CTNND2: variants seen among roughly 807,000 people sequenced by gnomAD.
CTNND2 encodes catenin delta 2.
CTNND2 carries 22 observed loss-of-function variants against 144.4 expected under a neutral mutation model. That is an observed-to-expected ratio of 0.15 (90% CI 0.11 to 0.22). The LOEUF is 0.22. Ranked by LOEUF, CTNND2 falls within the 10% of genes least tolerant of loss-of-function variation. CTNND2 has a pLI of 1.00. For missense variants in CTNND2, 1,353 were observed against 1,618.8 expected (o/e 0.84, Z 2.82); for synonymous variants, 751 against 695.6 (o/e 1.08, Z -1.25).
intron 18 of CTNND2, among the ~76,000 whole-genome samples, chr5:11,015,039 C>A (rs902003468): frequency 2.0e-5 from 3 of 152,188 alleles, no homozygotes; most frequent in African/African-American, 4.8e-5. Context: ...CCCCTAGTAC[C>A]TCCTTCCCAT....
intron 17 of CTNND2, 97 bp from the exon 18 acceptor site, chr5:11,018,155 A>G (rs1741827169): frequency 1.3e-6 from 1 of 790,822 alleles, no homozygotes; most frequent in Non-Finnish European, 2.2e-6. Context: ...CATTATTATT[A>G]TATCTATTAT....
At chr5:11,413,306 A>G (rs1761688438) in intron 3 of CTNND2, among the ~76,000 whole-genome samples, 2 of 152,224 alleles carry the variant, frequency 1.3e-5, no homozygotes, top group Non-Finnish European at 1.5e-5. Context: ...GATTTTAAAA[A>G]TTATAAAAAC....
intron 2 of CTNND2, among the ~76,000 whole-genome samples, chr5:11,647,052 T>A (rs1782393260): frequency 6.6e-6 from 1 of 152,214 alleles, no homozygotes. Context: ...AGTACATAAC[T>A]AGTAAAATTC....
intron 16 of CTNND2, among the ~76,000 whole-genome samples, chr5:11,029,032 T>C (rs1743170972): frequency 6.6e-6 from 1 of 152,246 alleles, no homozygotes; most frequent in Non-Finnish European, 1.5e-5. Flanking sequence ...CAAGACTGAA[T>C]AATATTCCAT....
intron 10 of CTNND2, among the ~76,000 whole-genome samples, chr5:11,212,448 C>T (rs749192411): frequency 7.9e-5 from 12 of 152,188 alleles, no homozygotes; most frequent in African/African-American, 2.9e-4. Context: ...AGTAGGTCCA[C>T]GCTTTTTAAA....
intron 12 of CTNND2, among the ~76,000 whole-genome samples, chr5:11,154,165 C>A (rs796250709): frequency 2.2e-4 from 34 of 152,322 alleles, no homozygotes; most frequent in African/African-American, 7.2e-4. Context: ...GGTGTCACAT[C>A]CCCTGCGTAA....
intron 10 of CTNND2, among the ~76,000 whole-genome samples, chr5:11,211,927 A>G (rs1738678482): frequency 6.6e-6 from 1 of 152,204 alleles, no homozygotes; most frequent in Non-Finnish European, 1.5e-5. Flanking sequence ...TTTTAATTTT[A>G]AATTAAAAAT....
intron 16 of CTNND2, among the ~76,000 whole-genome samples, chr5:11,040,674 CA>C (rs1561213087): frequency 6.6e-6 from 1 of 152,102 alleles, no homozygotes; most frequent in African/African-American, 2.4e-5. Flanking sequence ...AGTTAATTAA[CA>C]AGAGATTTGC....
chr5:11,888,100 T>G (rs756886618), intron 1 of CTNND2, among the ~76,000 whole-genome samples: 1 of 152,258 alleles, frequency 6.6e-6, no homozygotes, highest in Non-Finnish European at 1.5e-5. Context: ...TTCAATTTTA[T>G]AAATGAATGG....
chr5:11,705,922 T>C (rs13357360), intron 2 of CTNND2, among the ~76,000 whole-genome samples: 30,273 of 152,142 alleles, frequency 0.2, 8,095 homozygotes, highest in African/African-American at 0.61. Context: ...ATCTTGGGAA[T>C]AGACTCACTC....
At chr5:11,704,819 C>T (rs184011406) in intron 2 of CTNND2, among the ~76,000 whole-genome samples, 14 of 151,796 alleles carry the variant, frequency 9.2e-5, no homozygotes, top group Admixed American at 9.2e-4. Flanking sequence ...TTACTTGGCT[C>T]CCTTCCCTGA....
intron 16 of CTNND2, among the ~76,000 whole-genome samples, chr5:11,035,626 C>T (rs545492723): frequency 6.6e-6 from 1 of 152,338 alleles, no homozygotes; most frequent in South Asian, 2.1e-4. Context: ...ATTCTGCCTA[C>T]TACACTGTAC....
chr5:11,054,016 G>A (rs752755827), intron 16 of CTNND2, among the ~76,000 whole-genome samples: 2 of 152,224 alleles, frequency 1.3e-5, no homozygotes, highest in Non-Finnish European at 2.9e-5. Context: ...GGGTTTTGGA[G>A]AAAAGGCATC....
At chr5:11,201,260 T>C (rs1352288629) in intron 10 of CTNND2, among the ~76,000 whole-genome samples, 2 of 152,206 alleles carry the variant, frequency 1.3e-5, no homozygotes, top group African/African-American at 4.8e-5. Context: ...ACCTCATAAA[T>C]GTTCAGGAAA....
intron 2 of CTNND2, among the ~76,000 whole-genome samples, chr5:11,622,679 A>G (rs149998748): frequency 7.2e-5 from 11 of 152,204 alleles, no homozygotes; most frequent in Middle Eastern, 3.4e-3. Flanking sequence ...TGCCCCCACA[A>G]AAGCATGGCT....
chr5:11,782,946 T>C (rs1485838453), intron 1 of CTNND2, among the ~76,000 whole-genome samples: 1 of 152,168 alleles, frequency 6.6e-6, no homozygotes, highest in East Asian at 1.9e-4. Flanking sequence ...CATAACAAGT[T>C]CTCTTTTGGT....
chr5:11,879,352 T>TATATATATATACATAC (rs1553988803), intron 1 of CTNND2, among the ~76,000 whole-genome samples: 12 of 137,204 alleles, frequency 8.7e-5, no homozygotes, highest in African/African-American at 3.0e-4. Context: ...TATATATATA[T>TATATATATATACATAC]ATATACATAT....
intron 2 of CTNND2, among the ~76,000 whole-genome samples, chr5:11,686,785 AAT>A (rs1784672677): frequency 6.7e-6 from 1 of 148,454 alleles, no homozygotes; most frequent in Non-Finnish European, 1.5e-5. Flanking sequence ...ACAATACACA[AAT>A]ATAATACACA....
At chr5:11,545,681 A>AAAAG (rs1775176218) in intron 3 of CTNND2, among the ~76,000 whole-genome samples, 1 of 151,008 alleles carries the variant, frequency 6.6e-6, no homozygotes, top group African/African-American at 2.4e-5. Flanking sequence ...AAAAAAAAAA[A>AAAAG]AAAGGAAGAA....
Sources: gnomAD v4.1 joint callset for allele counts (sites outside exome capture counted in the v4.1 genomes callset) on GRCh38, gnomAD v4.1.1 for gene constraint, MANE v1.5 for transcripts, NCBI Gene and HGNC (gene_info 2026-07-23, HGNC 2026-07-21) for gene names.